The following ACSM6 variants were observed in gnomAD, a reference collection of about 807,000 sequenced individuals.
ACSM6 encodes acyl-coenzyme A synthetase ACSM6, mitochondrial.
In ACSM6, 35 loss-of-function variants were observed where a neutral mutation model predicts 51.1. That is an observed-to-expected ratio of 0.69 (90% confidence interval 0.52 to 0.91). The LOEUF is 0.91. ACSM6 is among the 40% of genes least tolerant of loss of function. The pLI is 0.00. For missense variants in ACSM6, 509 were observed against 584.1 expected (o/e 0.87, Z 1.32); for synonymous variants, 172 against 207.3 (o/e 0.83, Z 1.46).
chr10:95,228,534 G>A, intron 10 of ACSM6, 110 bp from the exon 11 acceptor site: 3 of 1,134,400 alleles, frequency 2.6e-6, no homozygotes, highest in Non-Finnish European at 3.5e-6. Context: ...TGGGGATCCT[G>A]ACTTATTTTT....
intron 4 of ACSM6, among the ~76,000 whole-genome samples, chr10:95,209,475 G>C (rs1319186945): frequency 6.6e-6 from 1 of 152,122 alleles, no homozygotes; most frequent in Admixed American, 6.5e-5. Context: ...CTGAAAAATG[G>C]GAGACAAGAG....
chr10:95,223,957 A>G (rs1312132034), intron 9 of ACSM6, among the ~76,000 whole-genome samples: 3 of 152,236 alleles, frequency 2.0e-5, no homozygotes, highest in Non-Finnish European at 2.9e-5. Context: ...AGTTGCAGGA[A>G]ATAAGATCAA....
In ACSM6 at chr10:95,200,586, G is replaced by GAAA. The variant is rs1240509119; in HGVS notation, c.193-1398_193-1396dup. Among the ~76,000 whole-genome samples, 114 of 130,050 alleles carry GAAA rather than the reference G, an allele frequency of 8.8e-4. 2 individuals are homozygous for GAAA. Among genetic ancestry groups the GAAA allele is most frequent in the African/African-American group, 3.3e-3 (114 of 34,280 alleles). 85.3% of individuals were successfully genotyped at this position (130,050 alleles called of 152,430 possible). On this transcript the variant is annotated intron_variant, in intron 2 of 10. Coordinates refer to ENST00000341686, the Ensembl canonical transcript of ACSM6. ...AGAGGAAGAGGAAGAAGAAGATGAA[G>GAAA]AAAGAAGAAGAAGAAGGAGAAGGAG...
intron 2 of ACSM6, chr10:95,201,536 T>C (rs1447659162): frequency 2.2e-6 from 1 of 455,182 alleles, no homozygotes; most frequent in Non-Finnish European, 4.4e-6. Flanking sequence ...GTATACCACA[T>C]TGTCTTTATC....
At chr10:95,195,173 G>T (rs563304626) in intron 2 of ACSM6, among the ~76,000 whole-genome samples, 1 of 152,160 alleles carries the variant, frequency 6.6e-6, no homozygotes, top group Non-Finnish European at 1.5e-5. Flanking sequence ...AACTTACTGC[G>T]TAGTGTTTTT....
intron 9 of ACSM6, among the ~76,000 whole-genome samples, chr10:95,224,620 G>A (rs780591395): frequency 6.6e-6 from 1 of 152,020 alleles, no homozygotes. Flanking sequence ...GGCTGGTCTC[G>A]AACTCCCGAC....
At chr10:95,228,891 C>G (rs1176072022) in exon 11 of ACSM6, 1 of 1,163,568 alleles carries the variant, frequency 8.6e-7, no homozygotes, top group African/African-American at 1.6e-5. Context: ...AAAATGCAAA[C>G]AACCAAAAAT....
intron 3 of ACSM6, among the ~76,000 whole-genome samples, chr10:95,205,649 T>TA (rs2034832563): frequency 6.6e-6 from 1 of 152,182 alleles, no homozygotes; most frequent in Non-Finnish European, 1.5e-5. Context: ...TTGCAACACT[T>TA]ATGAAAGATA....
chr10:95,198,955 C>T (rs1202100230), intron 2 of ACSM6, among the ~76,000 whole-genome samples: 1 of 152,204 alleles, frequency 6.6e-6, no homozygotes, highest in African/African-American at 2.4e-5. Flanking sequence ...TCAATACCAT[C>T]TCCATCAAGC....
At chr10:95,195,971 G>C (rs1589488259) in intron 2 of ACSM6, among the ~76,000 whole-genome samples, 1 of 148,352 alleles carries the variant, frequency 6.7e-6, no homozygotes, top group African/African-American at 2.5e-5. Context: ...TTTCATCTTT[G>C]CTGAGCTGTG....
At chr10:95,205,662 TG>T (rs1159896436) in intron 3 of ACSM6, among the ~76,000 whole-genome samples, 1 of 152,196 alleles carries the variant, frequency 6.6e-6, no homozygotes, top group Non-Finnish European at 1.5e-5. Context: ...GAAAGATAAG[TG>T]GTCAATGGCC....
intron 4 of ACSM6, among the ~76,000 whole-genome samples, chr10:95,210,051 CCTGT>C (rs1224882838): frequency 2.0e-5 from 3 of 151,996 alleles, no homozygotes; most frequent in Non-Finnish European, 4.4e-5. Flanking sequence ...GTGTTGTTGT[CCTGT>C]CTTTGTTTTA....
intron 8 of ACSM6, among the ~76,000 whole-genome samples, chr10:95,215,779 G>C (rs192044147): frequency 2.6e-5 from 4 of 152,322 alleles, no homozygotes; most frequent in Non-Finnish European, 5.9e-5. Context: ...CTAGAGGCTG[G>C]AAGTCCAAGA....
chr10:95,196,042 C>G (rs1392219001), intron 2 of ACSM6, among the ~76,000 whole-genome samples: 1 of 148,908 alleles, frequency 6.7e-6, no homozygotes, highest in African/African-American at 2.4e-5. Flanking sequence ...GTGCTGCTTT[C>G]TCTCTCCTCT....
exon 3 of ACSM6, chr10:95,202,059 A>T: frequency 2.6e-6 from 4 of 1,551,848 alleles, no homozygotes; most frequent in Non-Finnish European, 3.5e-6. Flanking sequence ...GGAGCTTTGA[A>T]AGGATGACTC....
At chr10:95,209,346 G>A (rs766755785) in intron 4 of ACSM6, among the ~76,000 whole-genome samples, 14 of 152,232 alleles carry the variant, frequency 9.2e-5, no homozygotes, top group Middle Eastern at 3.4e-3. Flanking sequence ...AGAGGAGGCC[G>A]AAGCGCAAGG....
intron 9 of ACSM6, among the ~76,000 whole-genome samples, chr10:95,222,799 T>C (rs962331873): frequency 6.9e-6 from 1 of 144,246 alleles, no homozygotes; most frequent in Non-Finnish European, 1.5e-5. Context: ...AACAACACTG[T>C]ATTACATACT....
At chr10:95,225,634 T>A (rs2035030006) in intron 10 of ACSM6, 1 of 365,446 alleles carries the variant, frequency 2.7e-6, no homozygotes, top group African/African-American at 2.1e-5. Context: ...ATGCAGACAT[T>A]ATGACACTTT....
chr10:95,204,386 T>C (rs1159763600), intron 3 of ACSM6, among the ~76,000 whole-genome samples: 1 of 151,996 alleles, frequency 6.6e-6, no homozygotes, highest in Admixed American at 6.6e-5. Flanking sequence ...ACCCCGTCTC[T>C]ACTAAAAAAA....
Sources: allele counts gnomAD v4.1 joint callset (sites outside exome capture counted in the v4.1 genomes callset), GRCh38; gene constraint gnomAD v4.1.1; transcripts MANE v1.5; gene names NCBI Gene and HGNC (gene_info 2026-07-23, HGNC 2026-07-21).